The following RAD51B variants were observed in gnomAD, a reference collection of about 807,000 sequenced individuals.
The protein encoded by RAD51B is RAD51 paralog B.
RAD51B carries 38 observed loss-of-function variants against 42.2 expected under a neutral mutation model. That is an observed-to-expected ratio of 0.90 (90% CI 0.70 to 1.18). RAD51B has a LOEUF of 1.18. Among genes scored for constraint, RAD51B ranks in the 50% most tolerant of loss-of-function variants. The probability of loss-of-function intolerance (pLI) is 0.00; values close to 1 mark genes in which losing one functional copy is unlikely to be tolerated. For missense variants in RAD51B, 373 were observed against 400.7 expected (o/e 0.93, Z 0.59); for synonymous variants, 154 against 145.2 (o/e 1.06, Z -0.43).
At chr14:67,946,359 G>T (rs7150606) in intron 7 of RAD51B, among the ~76,000 whole-genome samples, 34,020 of 150,402 alleles carry the variant, frequency 0.23, 5,126 homozygotes, top group African/African-American at 0.44. Context: ...CCTCTTTTTT[G>T]TTGTTGTTGT....
chr14:68,248,823 C>A (rs1311558901), intron 7 of RAD51B, among the ~76,000 whole-genome samples: 1 of 152,194 alleles, frequency 6.6e-6, no homozygotes, highest in East Asian at 1.9e-4. Context: ...ATTTCTCTGC[C>A]CCATTGCACT....
chr14:68,225,429 A>T (rs527481912), intron 7 of RAD51B, among the ~76,000 whole-genome samples: 1 of 152,348 alleles, frequency 6.6e-6, no homozygotes, highest in South Asian at 2.1e-4. Flanking sequence ...TGCTATGAAG[A>T]AGCTACCAAT....
intron 7 of RAD51B, among the ~76,000 whole-genome samples, chr14:68,183,106 G>A (rs1297729394): frequency 3.9e-5 from 6 of 152,200 alleles, no homozygotes; most frequent in Non-Finnish European, 8.8e-5. Flanking sequence ...ATGAATATAT[G>A]AAGGGAAATT....
intron 8 of RAD51B, among the ~76,000 whole-genome samples, chr14:68,330,185 A>G (rs1345167425): frequency 1.3e-5 from 2 of 152,190 alleles, no homozygotes; most frequent in African/African-American, 2.4e-5. Flanking sequence ...GTGCTTCTGC[A>G]TGTTCAGAGG....
At chr14:68,252,862 C>T (rs1178868414) in intron 7 of RAD51B, among the ~76,000 whole-genome samples, 1 of 152,092 alleles carries the variant, frequency 6.6e-6, no homozygotes, top group Non-Finnish European at 1.5e-5. Context: ...AGGCAGATCA[C>T]CTGAGGTCAG....
intron 8 of RAD51B, among the ~76,000 whole-genome samples, chr14:68,354,279 C>T (rs548968622): frequency 6.4e-5 from 9 of 141,340 alleles, no homozygotes; most frequent in African/African-American, 1.6e-4. Context: ...TGCAAGGGCA[C>T]GATTTCGGCT....
At chr14:68,304,406 C>T (rs1016312543) in intron 8 of RAD51B, among the ~76,000 whole-genome samples, 1 of 152,194 alleles carries the variant, frequency 6.6e-6, no homozygotes, top group Non-Finnish European at 1.5e-5. Flanking sequence ...GGCATTCAAA[C>T]CTAGAGTCTT....
chr14:68,237,437 C>T (rs1385862455), intron 7 of RAD51B, among the ~76,000 whole-genome samples: 2 of 152,190 alleles, frequency 1.3e-5, no homozygotes, highest in Non-Finnish European at 2.9e-5. Flanking sequence ...ACATAGTTCA[C>T]ATACCATCAA....
chr14:67,860,304 A>G (rs868436400), intron 4 of RAD51B, among the ~76,000 whole-genome samples: 10 of 152,226 alleles, frequency 6.6e-5, no homozygotes, highest in African/African-American at 1.9e-4. Context: ...AATGAAATAC[A>G]TGAAGAACTA....
intron 9 of RAD51B, among the ~76,000 whole-genome samples, chr14:68,446,534 C>T (rs1023345465): frequency 1.3e-5 from 2 of 152,132 alleles, no homozygotes; most frequent in Admixed American, 6.5e-5. Flanking sequence ...TTCCTTTCTA[C>T]AGAGATTGGT....
intron 8 of RAD51B, among the ~76,000 whole-genome samples, chr14:68,399,003 G>A (rs902549868): frequency 6.6e-6 from 1 of 152,112 alleles, no homozygotes; most frequent in Admixed American, 6.5e-5. Context: ...GTTTGGGATG[G>A]GGCCTAGGAT....
intron 7 of RAD51B, among the ~76,000 whole-genome samples, chr14:68,128,333 A>G (rs1471482407): frequency 6.6e-6 from 1 of 152,186 alleles, no homozygotes; most frequent in East Asian, 1.9e-4. Context: ...TCGCAAGAGG[A>G]GTTTCTTTGC....
At chr14:68,479,841 T>C (rs1239569583), downstream of RAD51B, among the ~76,000 whole-genome samples, 1 of 151,526 alleles carries the variant, frequency 6.6e-6, no homozygotes, top group Admixed American at 6.6e-5. Context: ...GCTAATTTTT[T>C]ATTTTTTGTA....
intron 10 of RAD51B, among the ~76,000 whole-genome samples, chr14:68,555,005 C>T (rs553608511): frequency 1.3e-5 from 2 of 152,246 alleles, no homozygotes; most frequent in East Asian, 1.9e-4. Context: ...CCTGCCACCA[C>T]ACCCGACTAT....
chr14:68,335,304 AAAAAAAAAAGAAAAG>A (rs1447307011), intron 8 of RAD51B, among the ~76,000 whole-genome samples: 1 of 140,460 alleles, frequency 7.1e-6, no homozygotes, highest in Admixed American at 7.4e-5. Context: ...GTCAAAAAAA[AAAAAAAAAAGAAAAG>A]AAAAAAGAAA....
intron 10 of RAD51B, among the ~76,000 whole-genome samples, chr14:68,621,796 A>T (rs1566957465): frequency 6.6e-6 from 1 of 152,184 alleles, no homozygotes; most frequent in African/African-American, 2.4e-5. Context: ...GAATAAAACA[A>T]GCTGTCAGCA....
intron 7 of RAD51B, among the ~76,000 whole-genome samples, chr14:68,248,639 G>A (rs2080552034): frequency 6.6e-6 from 1 of 152,018 alleles, no homozygotes; most frequent in Admixed American, 6.5e-5. Flanking sequence ...CTGGGGAGTG[G>A]GTATCTGAAT....
At chr14:68,669,879 G>C (rs1893117411) in intron 11 of RAD51B, among the ~76,000 whole-genome samples, 1 of 152,216 alleles carries the variant, frequency 6.6e-6, no homozygotes, top group Non-Finnish European at 1.5e-5. Flanking sequence ...GCGACCTGCT[G>C]TGCCTCAGTT....
At chr14:68,176,123 T>C (rs748644586) in intron 7 of RAD51B, among the ~76,000 whole-genome samples, 2 of 152,204 alleles carry the variant, frequency 1.3e-5, no homozygotes, top group African/African-American at 4.8e-5. Flanking sequence ...TCTCAGAGTA[T>C]GTGCCAACTC....
Sources: gnomAD v4.1 joint callset for allele counts (sites outside exome capture counted in the v4.1 genomes callset) on GRCh38, gnomAD v4.1.1 for gene constraint, MANE v1.5 for transcripts, NCBI Gene and HGNC (gene_info 2026-07-23, HGNC 2026-07-21) for gene names.